The following TBC1D5 variants were observed in gnomAD, a reference collection of about 807,000 sequenced individuals.
The protein encoded by TBC1D5 is TBC1 domain family, member 5.
Under a neutral mutation model 100.3 loss-of-function variants are expected in TBC1D5, and 75 were observed. The observed-to-expected ratio is 0.75, with a 90% confidence interval of 0.62 to 0.91. TBC1D5 has a LOEUF of 0.91. Among genes scored for constraint, TBC1D5 ranks in the 40% least tolerant of loss-of-function variants. The pLI is 0.00. For synonymous variants in TBC1D5, 323 were observed against 325.6 expected, an observed-to-expected ratio of 0.99 and a Z score of 0.09; for missense variants, 910 against 942.4, an observed-to-expected ratio of 0.97 and a Z score of 0.45.
chr3:17,542,365 T>C (rs1476834475), intron 2 of TBC1D5, among the ~76,000 whole-genome samples: 3 of 152,158 alleles, frequency 2.0e-5, no homozygotes, highest in African/African-American at 4.8e-5. Flanking sequence ...ATCTTTCTCA[T>C]TCTCTCTCTC....
chr3:17,340,501 TG>T (rs1467657636), intron 13 of TBC1D5, among the ~76,000 whole-genome samples: 2 of 152,158 alleles, frequency 1.3e-5, no homozygotes, highest in African/African-American at 4.8e-5. Flanking sequence ...CTGAGTGAGA[TG>T]TAAGATTTCA....
chr3:17,183,232 C>T (rs193275122), intron 19 of TBC1D5, among the ~76,000 whole-genome samples: 8 of 152,280 alleles, frequency 5.3e-5, no homozygotes, highest in Admixed American at 2.0e-4. Context: ...TTTAACTGCT[C>T]GTTCCTTCCC....
intron 2 of TBC1D5, among the ~76,000 whole-genome samples, chr3:17,587,734 T>C (rs2096741309): frequency 1.3e-5 from 2 of 152,058 alleles, no homozygotes; most frequent in African/African-American, 4.8e-5. Flanking sequence ...ATTATACATA[T>C]GGAAAATATC....
intron 2 of TBC1D5, among the ~76,000 whole-genome samples, chr3:17,519,727 T>C (rs2096040734): frequency 6.6e-6 from 1 of 152,234 alleles, no homozygotes; most frequent in South Asian, 2.1e-4. Flanking sequence ...TGAGCTATAC[T>C]TGTTCTACAC....
intron 2 of TBC1D5, among the ~76,000 whole-genome samples, chr3:17,537,698 A>T (rs770655821): frequency 1.3e-5 from 2 of 152,216 alleles, no homozygotes; most frequent in African/African-American, 2.4e-5. Context: ...CACTGAACAT[A>T]ATGTTATCAA....
chr3:17,319,016 A>C (rs2085041625), intron 13 of TBC1D5, among the ~76,000 whole-genome samples: 1 of 152,218 alleles, frequency 6.6e-6, no homozygotes, highest in South Asian at 2.1e-4. Context: ...TTACAAAGAA[A>C]AATTAATTGC....
intron 3 of TBC1D5, among the ~76,000 whole-genome samples, chr3:17,473,943 T>C (rs1362520749): frequency 2.0e-5 from 3 of 152,034 alleles, no homozygotes; most frequent in East Asian, 1.9e-4. Flanking sequence ...TTATGATCCA[T>C]AATGTTGGAA....
At chr3:17,342,131 C>T (rs889797623) in intron 13 of TBC1D5, among the ~76,000 whole-genome samples, 1 of 152,166 alleles carries the variant, frequency 6.6e-6, no homozygotes, top group Non-Finnish European at 1.5e-5. Context: ...TAATGAATGC[C>T]TTTGTGTGGC....
At chr3:17,372,190 T>A in exon 13 of TBC1D5, 6 of 1,613,772 alleles carry the variant, frequency 3.7e-6, no homozygotes, top group Non-Finnish European at 5.1e-6. Flanking sequence ...ATAGCAATTG[T>A]TGGCCCTAAA....
At chr3:17,692,101 T>C (rs2071260983) in intron 1 of TBC1D5, among the ~76,000 whole-genome samples, 1 of 151,852 alleles carries the variant, frequency 6.6e-6, no homozygotes, top group African/African-American at 2.4e-5. Context: ...GTACTTTTTT[T>C]CTTTTTTTTG....
At chr3:17,338,562 T>C (rs1002961557) in intron 13 of TBC1D5, 1 of 152,286 alleles carries the variant, frequency 6.6e-6, no homozygotes, top group Admixed American at 6.5e-5. Context: ...CACAAATAAA[T>C]TCTCATTTCA....
At chr3:17,573,522 A>T (rs971462610) in intron 2 of TBC1D5, among the ~76,000 whole-genome samples, 1 of 152,000 alleles carries the variant, frequency 6.6e-6, no homozygotes. Context: ...AAAAAGCCCA[A>T]ATTTCTGGTA....
intron 8 of TBC1D5, among the ~76,000 whole-genome samples, chr3:17,401,200 A>G (rs1366676220): frequency 6.6e-6 from 1 of 151,628 alleles, no homozygotes; most frequent in Non-Finnish European, 1.5e-5. Flanking sequence ...ATACATTTTA[A>G]GAAAAACACT....
intron 1 of TBC1D5, among the ~76,000 whole-genome samples, chr3:17,658,518 T>C (rs2153735639): frequency 6.6e-6 from 1 of 152,092 alleles, no homozygotes; most frequent in South Asian, 2.1e-4. Flanking sequence ...TATATGTCAA[T>C]GCAGAAAAGT....
At chr3:17,622,349 G>C (rs2062736099) in intron 2 of TBC1D5, among the ~76,000 whole-genome samples, 1 of 152,034 alleles carries the variant, frequency 6.6e-6, no homozygotes, top group East Asian at 1.9e-4. Context: ...TGTTCTAAAT[G>C]ACTTCTCAGT....
At chr3:17,565,009 A>AAAAC (rs1416861081) in intron 2 of TBC1D5, among the ~76,000 whole-genome samples, 2 of 152,034 alleles carry the variant, frequency 1.3e-5, no homozygotes. Flanking sequence ...TAGAAAACAA[A>AAAAC]AAACAAAAAA....
intron 2 of TBC1D5, among the ~76,000 whole-genome samples, chr3:17,554,840 T>C (rs1481893608): frequency 6.6e-6 from 1 of 151,948 alleles, no homozygotes; most frequent in Non-Finnish European, 1.5e-5. Context: ...ATATTTAATA[T>C]CTGTGCTTTT....
chr3:17,738,130 G>A (rs899724020), intron 1 of TBC1D5, among the ~76,000 whole-genome samples: 1 of 152,188 alleles, frequency 6.6e-6, no homozygotes, highest in African/African-American at 2.4e-5. Context: ...GATCTGAGCT[G>A]TCAAACTATA....
intron 4 of TBC1D5, among the ~76,000 whole-genome samples, chr3:17,407,527 C>T (rs1385177384): frequency 6.6e-6 from 1 of 152,148 alleles, no homozygotes; most frequent in Admixed American, 6.6e-5. Flanking sequence ...AACCCTCAAT[C>T]ATTCTTCCGT....
Sources: allele counts gnomAD v4.1 joint callset (sites outside exome capture counted in the v4.1 genomes callset), GRCh38; gene constraint gnomAD v4.1.1; transcripts MANE v1.5; gene names NCBI Gene and HGNC (gene_info 2026-07-23, HGNC 2026-07-21).